Variants in SMC6 observed in about 807,000 individuals in gnomAD.
SMC6 encodes structural maintenance of chromosomes 6.
In SMC6, 79 loss-of-function variants were observed where a neutral mutation model predicts 142.2. That is an observed-to-expected ratio of 0.56 (90% CI 0.46 to 0.67). The LOEUF is 0.67. Ranked by LOEUF, SMC6 falls within the 30% of genes least tolerant of loss-of-function variation. The pLI is 0.00. For synonymous variants in SMC6, 411 were observed against 412.4 expected (o/e 1.00, Z 0.04); for missense variants, 1,072 against 1,284.0 (o/e 0.83, Z 2.52).
At chr2:17,728,925 T>G (rs1394878016) in intron 7 of SMC6, among the ~76,000 whole-genome samples, 1 of 152,198 alleles carries the variant, frequency 6.6e-6, no homozygotes, top group Middle Eastern at 3.4e-3. Flanking sequence ...ATTTTTGTGT[T>G]TTTTTGTAGA....
In SMC6 at chr2:17,715,062, G is replaced by A. The variant is rs771032216; in HGVS notation, c.1529C>T (p.Ala510Val). The change falls in exon 16 of 28, where the codon GCT becomes GTT. Residue 510 changes from alanine to valine, a missense_variant. Around this residue, in one of 3 missense-constraint regions of SMC6, gnomAD observed 994 missense variants for 1,153.2 expected, o/e 0.86. Transcript: ENST00000448223. The part of the protein sequence containing the change: ...FTYKPVGPLG[A>V]CIHLRDPELA... ...TTCTGGGTCCCGAAGATGAATGCAAGCTCCTAAAAGTGAGAGAAAATTACA... is the reference window on the plus strand; with the variant it reads ...TTCTGGGTCCCGAAGATGAATGCAAACTCCTAAAAGTGAGAGAAAATTACA... 2 of 1,610,528 alleles carry A rather than the reference G, an allele frequency of 1.2e-6. No individual in the cohort carries two copies. The highest frequency in any genetic ancestry group is 1.7e-6 in the Non-Finnish European group (2 of 1,179,282).
chr2:17,739,745 C>A (rs1670330908), intron 4 of SMC6, among the ~76,000 whole-genome samples: 2 of 151,830 alleles, frequency 1.3e-5, no homozygotes, highest in African/African-American at 4.8e-5. Flanking sequence ...CCCAGGAGTT[C>A]AAGGCTGCAA....
chr2:17,690,877 C>T (rs957645312), intron 23 of SMC6, among the ~76,000 whole-genome samples: 4 of 151,704 alleles, frequency 2.6e-5, no homozygotes, highest in African/African-American at 9.7e-5. Context: ...AAAACAGGCA[C>T]TCTAACACAT....
intron 5 of SMC6, 67 bp downstream of exon 5, chr2:17,738,154 T>C: frequency 2.6e-6 from 3 of 1,173,262 alleles, no homozygotes; most frequent in Non-Finnish European, 3.8e-6. Flanking sequence ...CTATGTGAAC[T>C]GGGAATCTAA....
intron 25 of SMC6, among the ~76,000 whole-genome samples, chr2:17,672,851 T>G (rs72610788): frequency 0.11 from 16,459 of 152,212 alleles, 2,836 homozygotes; most frequent in East Asian, 0.7. Context: ...AGGTAGACAC[T>G]GGGTTTCTCA....
chr2:17,745,215 A>G (rs1453488075), intron 3 of SMC6, among the ~76,000 whole-genome samples: 1 of 152,188 alleles, frequency 6.6e-6, no homozygotes, highest in Non-Finnish European at 1.5e-5. Context: ...TGGCATCAAG[A>G]TAATACATTG....
chr2:17,679,100 T>C, intron 24 of SMC6, 136 bp from the exon 25 acceptor site: 5 of 584,246 alleles, frequency 8.6e-6, no homozygotes, highest in Non-Finnish European at 8.9e-6. Flanking sequence ...ATTTAATAGT[T>C]GAGTTTTAGG....
chr2:17,694,903 A>C (rs978533593), intron 23 of SMC6, among the ~76,000 whole-genome samples: 3 of 152,214 alleles, frequency 2.0e-5, no homozygotes, highest in African/African-American at 7.2e-5. Flanking sequence ...TTTCATGTCT[A>C]TATGAACCTT....
chr2:17,723,645 C>A (rs1182290420), intron 9 of SMC6, among the ~76,000 whole-genome samples: 1 of 152,172 alleles, frequency 6.6e-6, no homozygotes, highest in African/African-American at 2.4e-5. Flanking sequence ...CTATTAAGTG[C>A]TGTTGTCTAG....
chr2:17,743,146 A>G (rs1248775397), intron 3 of SMC6, among the ~76,000 whole-genome samples: 1 of 152,196 alleles, frequency 6.6e-6, no homozygotes, highest in African/African-American at 2.4e-5. Flanking sequence ...GTACCAAGGT[A>G]TATTTACTAG....
chr2:17,693,622 G>A (rs1485609592), intron 23 of SMC6, among the ~76,000 whole-genome samples: 1 of 151,794 alleles, frequency 6.6e-6, no homozygotes, highest in African/African-American at 2.4e-5. Flanking sequence ...ACACCAACAT[G>A]GCACATGTAT....
At chr2:17,670,167 T>A (rs1434549143) in intron 26 of SMC6, among the ~76,000 whole-genome samples, 1 of 152,044 alleles carries the variant, frequency 6.6e-6, no homozygotes, top group East Asian at 1.9e-4. Context: ...AAAACGCAGA[T>A]ATGATGGAAG....
intron 23 of SMC6, among the ~76,000 whole-genome samples, chr2:17,687,299 C>T (rs1246210233): frequency 1.3e-5 from 2 of 152,204 alleles, no homozygotes; most frequent in African/African-American, 4.8e-5. Context: ...AGATAATTCA[C>T]TGCAGCATTA....
At chr2:17,748,797 G>A (rs534804529) in intron 2 of SMC6, among the ~76,000 whole-genome samples, 5 of 152,278 alleles carry the variant, frequency 3.3e-5, no homozygotes, top group South Asian at 2.1e-4. Flanking sequence ...TTTTATTAAT[G>A]CCTAACACAT....
In SMC6 at chr2:17,717,110, G is replaced by T. The variant is rs764336831; in HGVS notation, c.1159C>A (p.Arg387=). The T allele has an allele frequency of 6.2e-7, 1 of 1,610,386 alleles. No homozygotes were observed. The highest frequency in any genetic ancestry group is 8.5e-7 in the Non-Finnish European group (1 of 1,178,782). ...TACCTTTTTTTCAGCTCTTCAATTC[G>T]TTTACAAAGCTGCTCATCATCTTTC... The part of the protein sequence containing the change: ...LKKDDEQLCK[R]IEELKKSTDQ... The change falls in exon 13 of 28, where the codon CGA becomes AGA. Residue 387 remains arginine (R), a synonymous_variant. Coordinates refer to ENST00000448223, the MANE Select transcript of SMC6 (RefSeq NM_001142286.2).
At chr2:17,715,439 G>T (rs546542291) in intron 15 of SMC6, among the ~76,000 whole-genome samples, 1 of 149,564 alleles carries the variant, frequency 6.7e-6, no homozygotes, top group East Asian at 1.9e-4. Context: ...TCCTTAATGG[G>T]ATGCGAAAAA....
chr2:17,736,734 C>T (rs778159084), intron 5 of SMC6, among the ~76,000 whole-genome samples: 3 of 150,530 alleles, frequency 2.0e-5, no homozygotes, highest in Non-Finnish European at 3.0e-5. Flanking sequence ...ATTAGCCAGG[C>T]GTTGTGGCAT....
intron 25 of SMC6, among the ~76,000 whole-genome samples, chr2:17,674,450 T>C (rs2103484714): frequency 1.3e-5 from 2 of 152,332 alleles, no homozygotes; most frequent in Middle Eastern, 3.4e-3. Flanking sequence ...ACATTTGCAT[T>C]ATAGCCAGGA....
At chr2:17,685,567 C>G (rs1223874475) in intron 23 of SMC6, among the ~76,000 whole-genome samples, 1 of 151,900 alleles carries the variant, frequency 6.6e-6, no homozygotes, top group Non-Finnish European at 1.5e-5. Flanking sequence ...TGGAAAAAGA[C>G]AAAATCTATT....
Sources: gnomAD v4.1 joint callset for allele counts (sites outside exome capture counted in the v4.1 genomes callset) on GRCh38, gnomAD v4.1.1 for gene constraint, gnomAD v4.1.1 regional missense constraint, MANE v1.5 for transcripts, NCBI Gene and HGNC (gene_info 2026-07-23, HGNC 2026-07-21) for gene names.